Variants in NLGN1 observed in about 807,000 individuals in gnomAD.
NLGN1 encodes neuroligin-1.
NLGN1 carries 12 observed loss-of-function variants against 65.5 expected under a neutral mutation model. That is an observed-to-expected ratio of 0.18 (90% CI 0.12 to 0.30). NLGN1 has a LOEUF of 0.30. NLGN1 is among the 10% of genes least tolerant of loss of function. The pLI is 1.00. For missense variants in NLGN1, 750 were observed against 1,007.1 expected, an observed-to-expected ratio of 0.74 and a Z score of 3.46; for synonymous variants, 350 against 359.5, an observed-to-expected ratio of 0.97 and a Z score of 0.30.
intron 2 of NLGN1, among the ~76,000 whole-genome samples, chr3:173,481,754 A>G (rs1368342112): frequency 6.6e-6 from 1 of 151,452 alleles, no homozygotes; most frequent in Non-Finnish European, 1.5e-5. Flanking sequence ...TTTTTAAAAA[A>G]CAAACAAATT....
At chr3:173,812,028 G>T (rs1718057975) in intron 4 of NLGN1, among the ~76,000 whole-genome samples, 1 of 151,998 alleles carries the variant, frequency 6.6e-6, no homozygotes, top group Admixed American at 6.6e-5. Flanking sequence ...AGGCAATTAT[G>T]CAATTCATAA....
intron 2 of NLGN1, among the ~76,000 whole-genome samples, chr3:173,541,933 C>T (rs866184715): frequency 2.7e-4 from 41 of 151,950 alleles, no homozygotes; most frequent in African/African-American, 8.4e-4. Flanking sequence ...TTGATGGACC[C>T]TATCAACCAA....
chr3:173,737,654 T>A (rs1601894), intron 3 of NLGN1, among the ~76,000 whole-genome samples: 84,601 of 151,858 alleles, frequency 0.56, 23,717 homozygotes, highest in East Asian at 0.74. Context: ...TTTATCAGTG[T>A]CAGCTGATGG....
intron 2 of NLGN1, among the ~76,000 whole-genome samples, chr3:173,593,562 G>A (rs1419089532): frequency 6.6e-6 from 1 of 152,196 alleles, no homozygotes; most frequent in Non-Finnish European, 1.5e-5. Flanking sequence ...AAGGACTAGG[G>A]AAGGAAGTCT....
chr3:173,933,559 A>C (rs1744521731), intron 4 of NLGN1, among the ~76,000 whole-genome samples: 1 of 152,182 alleles, frequency 6.6e-6, no homozygotes, highest in Admixed American at 6.6e-5. Context: ...CGCAAATGGC[A>C]AGTTATTCAG....
chr3:173,852,231 C>A (rs1337715153), intron 4 of NLGN1, among the ~76,000 whole-genome samples: 1 of 150,614 alleles, frequency 6.6e-6, no homozygotes, highest in African/African-American at 2.4e-5. Context: ...TAGCGGGCGC[C>A]TGTAGTCCCA....
rs180819937 is a variant in NLGN1 at position 173,765,946 on chromosome 3, G to A, written c.494-41734G>A. Among the ~76,000 whole-genome samples, 149 of 152,116 alleles carry A rather than the reference G, an allele frequency of 9.8e-4. 2 individuals carry two copies. The highest frequency in any genetic ancestry group is 3.4e-3 in the African/African-American group (143 of 41,480). On this transcript the variant is annotated intron_variant, in intron 3 of 6. Transcript: ENST00000457714. ...TATCCCTTATATCCTTTGAATGTAG[G>A]TCATGCTCATGGTTATAGTGGCATA...
At chr3:173,661,445 T>A (rs1760917168) in intron 3 of NLGN1, among the ~76,000 whole-genome samples, 1 of 152,002 alleles carries the variant, frequency 6.6e-6, no homozygotes, top group Admixed American at 6.6e-5. Context: ...GTCCAGGTTC[T>A]CAGCACTGGG....
intron 3 of NLGN1, among the ~76,000 whole-genome samples, chr3:173,800,002 TA>T (rs1388754993): frequency 6.3e-5 from 5 of 79,764 alleles, no homozygotes; most frequent in Admixed American, 1.3e-4. Context: ...ATGCAATGGG[TA>T]TTTTTTTTTT....
intron 3 of NLGN1, among the ~76,000 whole-genome samples, chr3:173,794,669 A>C (rs1713610886): frequency 6.6e-6 from 1 of 152,216 alleles, no homozygotes; most frequent in Non-Finnish European, 1.5e-5. Context: ...CTGTATCTGC[A>C]TGTAATAAAA....
intron 3 of NLGN1, among the ~76,000 whole-genome samples, chr3:173,740,584 A>G (rs1271668455): frequency 2.6e-5 from 4 of 152,076 alleles, no homozygotes; most frequent in African/African-American, 7.2e-5. Context: ...GAAAATAATT[A>G]TAGACAAACA....
chr3:173,543,832 C>T (rs1218457888), intron 2 of NLGN1, among the ~76,000 whole-genome samples: 1 of 151,956 alleles, frequency 6.6e-6, no homozygotes, highest in African/African-American at 2.4e-5. Context: ...GAGACAAGTA[C>T]AGAGAGAATT....
chr3:173,958,596 A>C (rs1307162843), intron 4 of NLGN1, among the ~76,000 whole-genome samples: 1 of 152,074 alleles, frequency 6.6e-6, no homozygotes, highest in Non-Finnish European at 1.5e-5. Flanking sequence ...GGGTGAGCTG[A>C]TTGCTCCAAG....
chr3:174,280,537 G>T lies in NLGN1; in HGVS notation c.1706G>T (p.Arg569Leu). 1 of 1,612,796 alleles carries T rather than the reference G, an allele frequency of 6.2e-7. No homozygotes were observed. Among genetic ancestry groups the T allele is most frequent in the Non-Finnish European group, 8.5e-7 (1 of 1,179,340 alleles). The change falls in exon 7 of 7, where the codon CGT (arginine) becomes CTT (leucine). Residue 569 changes from arginine (R) to leucine (L), a missense_variant. Coordinates refer to ENST00000457714, the Ensembl canonical transcript of NLGN1. The surrounding 1 kb of genome is among the most constrained non-coding windows in gnomAD (Gnocchi z 4.9). ...AAATTCATTCATACCAAACCCAACC[G>T]TTTTGAAGAAGTAGCATGGACCAGA...
intron 4 of NLGN1, among the ~76,000 whole-genome samples, chr3:174,177,807 T>C (rs1729715547): frequency 6.6e-6 from 1 of 152,114 alleles, no homozygotes; most frequent in Non-Finnish European, 1.5e-5. Flanking sequence ...CATAAAAGCA[T>C]AGTCATAATT....
intron 2 of NLGN1, among the ~76,000 whole-genome samples, chr3:173,542,016 C>A (rs945915027): frequency 6.6e-6 from 1 of 152,042 alleles, no homozygotes; most frequent in Non-Finnish European, 1.5e-5. Context: ...ATCCATCCCT[C>A]CCCTTATTCT....
At chr3:173,683,060 C>T (rs146304784) in intron 3 of NLGN1, among the ~76,000 whole-genome samples, 38 of 152,206 alleles carry the variant, frequency 2.5e-4, no homozygotes, top group Admixed American at 2.5e-3. Flanking sequence ...CTGTATACAG[C>T]GTGCATTTTT....
chr3:173,598,337 C>T (rs1247816543), intron 2 of NLGN1, among the ~76,000 whole-genome samples: 1 of 152,148 alleles, frequency 6.6e-6, no homozygotes, highest in African/African-American at 2.4e-5. Flanking sequence ...GCTGTTACAT[C>T]ATATATTCAT....
intron 4 of NLGN1, among the ~76,000 whole-genome samples, chr3:173,972,978 T>C (rs138678844): frequency 9.1e-4 from 138 of 152,140 alleles, no homozygotes; most frequent in Non-Finnish European, 1.9e-3. Context: ...AGTTTAGTGA[T>C]TTAAAGCACA....
Sources: gnomAD v4.1 joint callset for allele counts (sites outside exome capture counted in the v4.1 genomes callset) on GRCh38, gnomAD v4.1.1 for gene constraint, Gnocchi (gnomAD v3.1) non-coding constraint, MANE v1.5 for transcripts, NCBI Gene and HGNC (gene_info 2026-07-23, HGNC 2026-07-21) for gene names.